Variants in FSHR observed in about 807,000 individuals in gnomAD.
The protein encoded by FSHR is follicle-stimulating hormone receptor.
In FSHR, 46 loss-of-function variants were observed where a neutral mutation model predicts 52.1. That is an observed-to-expected ratio of 0.88 (90% confidence interval 0.70 to 1.13). The LOEUF (loss-of-function observed/expected upper bound fraction) is 1.13. Ranked by LOEUF, FSHR falls within the 50% of genes most tolerant of loss-of-function variation. The pLI, the probability that FSHR is intolerant of heterozygous loss-of-function variation, is 0.00. For missense variants in FSHR, 964 were observed against 834.6 expected, an observed-to-expected ratio of 1.16 and a Z score of -1.91; for synonymous variants, 399 against 309.6, an observed-to-expected ratio of 1.29 and a Z score of -3.03.
chr2:49,140,780 A>G (rs1193483994), intron 1 of FSHR, among the ~76,000 whole-genome samples: 1 of 152,090 alleles, frequency 6.6e-6, no homozygotes, highest in Non-Finnish European at 1.5e-5. Flanking sequence ...TGAGGTCATG[A>G]TAGATCAATA....
intron 6 of FSHR, 140 bp from the exon 7 acceptor site, chr2:48,983,306 C>T (rs182216404): frequency 6.5e-5 from 48 of 737,818 alleles, no homozygotes; most frequent in African/African-American, 2.3e-4. Flanking sequence ...CTTGGGGACA[C>T]GGGTGGGAGG....
intron 6 of FSHR, among the ~76,000 whole-genome samples, chr2:48,984,359 T>G (rs1371982533): frequency 6.6e-6 from 1 of 152,190 alleles, no homozygotes; most frequent in Non-Finnish European, 1.5e-5. Flanking sequence ...GACTCCTGAC[T>G]GTTGCAGGAT....
chr2:48,962,996 T>TC lies in FSHR; in HGVS notation c.1824dup (p.Ile609AspfsTer40). The TC allele has an allele frequency of 6.2e-7, 1 of 1,614,102 alleles. No homozygotes were observed. The highest frequency in any genetic ancestry group is 8.5e-7 in the Non-Finnish European group (1 of 1,179,996). ...ATGGGGTGAAACAGAACCAGCAGAA[T>TC]CTTTGCTTTGGACACAGTGATGAGG... is the stretch of plus-strand genomic sequence containing the variant. On this transcript the variant is annotated frameshift_variant, in exon 10 of 10. Coordinates refer to ENST00000406846, the MANE Select transcript of FSHR (RefSeq NM_000145.4). LOFTEE classifies it high-confidence loss of function.
At chr2:48,973,564 C>T (rs1394062112) in intron 8 of FSHR, among the ~76,000 whole-genome samples, 1 of 152,234 alleles carries the variant, frequency 6.6e-6, no homozygotes, top group Non-Finnish European at 1.5e-5. Context: ...TCCTTGAAAA[C>T]CAGTAAGAGT....
At chr2:49,059,531 G>C (rs1013806105) in intron 2 of FSHR, 8 of 152,458 alleles carry the variant, frequency 5.2e-5, no homozygotes, top group African/African-American at 2.4e-5. Flanking sequence ...ACTGGAGAAA[G>C]GACGGTTTCA....
chr2:49,114,487 T>C lies in FSHR; in HGVS notation c.152+39779A>G, dbSNP rs79250949. On this transcript the variant is annotated intron_variant, in intron 1 of 9. Transcript: ENST00000406846. ...AGAATGAATGAGAAGGTTTTCACAT[T>C]AACTGGAAGTTCCATCTTCAGACTG... is the stretch of plus-strand genomic sequence containing the variant. 2.2e-3 allele frequency among the ~76,000 whole-genome samples: 329 copies of C among 152,302 alleles called. 1 individual carries two copies. Among genetic ancestry groups the C allele is most frequent in the African/African-American group, 7.5e-3 (313 of 41,576 alleles).
chr2:49,074,320 CA>C (rs1156873864), intron 1 of FSHR, among the ~76,000 whole-genome samples: 2 of 151,762 alleles, frequency 1.3e-5, no homozygotes, highest in African/African-American at 4.8e-5. Flanking sequence ...ATCTCAACAG[CA>C]AAAAAACAAC....
intron 1 of FSHR, 24 bp downstream of exon 1, chr2:49,154,242 G>A (rs1673165061): frequency 1.2e-6 from 2 of 1,611,616 alleles, no homozygotes; most frequent in Admixed American, 3.3e-5. Context: ...CCATGCAGTT[G>A]TTCCCCCTCC....
chr2:49,069,299 C>T (rs947270998), intron 1 of FSHR, among the ~76,000 whole-genome samples: 10 of 152,096 alleles, frequency 6.6e-5, no homozygotes, highest in East Asian at 1.9e-4. Flanking sequence ...TCCACATTTG[C>T]GGTTCTCTCT....
intron 1 of FSHR, among the ~76,000 whole-genome samples, chr2:49,141,832 T>G (rs1228530448): frequency 6.6e-6 from 1 of 152,240 alleles, no homozygotes; most frequent in Non-Finnish European, 1.5e-5. Context: ...TGTCTTTTTT[T>G]CCTTGTTCAT....
At chr2:49,018,181 T>A (rs925300895) in intron 3 of FSHR, among the ~76,000 whole-genome samples, 1 of 152,170 alleles carries the variant, frequency 6.6e-6, no homozygotes, top group Admixed American at 6.5e-5. Context: ...GGAATGGCCA[T>A]TGATTCCCTT....
intron 2 of FSHR, among the ~76,000 whole-genome samples, chr2:49,042,902 T>C (rs1668526604): frequency 6.6e-6 from 1 of 152,160 alleles, no homozygotes; most frequent in Non-Finnish European, 1.5e-5. Flanking sequence ...ACCCATAAAC[T>C]TACTGACCAG....
intron 4 of FSHR, among the ~76,000 whole-genome samples, chr2:48,996,316 T>A (rs1676021066): frequency 6.6e-6 from 1 of 152,076 alleles, no homozygotes; most frequent in Admixed American, 6.6e-5. Context: ...TACAGTTGAT[T>A]CTCATTATCC....
chr2:49,094,681 G>C (rs771290971), intron 1 of FSHR, among the ~76,000 whole-genome samples: 4 of 151,848 alleles, frequency 2.6e-5, no homozygotes, highest in Non-Finnish European at 5.9e-5. Flanking sequence ...AGTGCTTTGA[G>C]GAAAATGTAT....
chr2:49,117,675 G>A (rs2055571), intron 1 of FSHR, among the ~76,000 whole-genome samples: 72,168 of 152,040 alleles, frequency 0.47, 18,057 homozygotes, highest in East Asian at 0.7. Context: ...AATAAGTTAG[G>A]TTAAGTATAG....
intron 4 of FSHR, among the ~76,000 whole-genome samples, chr2:49,016,147 T>A (rs1018179436): frequency 2.0e-5 from 3 of 152,312 alleles, no homozygotes; most frequent in Middle Eastern, 3.4e-3. Flanking sequence ...GAATGAAAAT[T>A]TAGGCACAGA....
rs186125974 is a variant in FSHR, at chr2:49,125,180, C to T, written c.152+29086G>A. ...TCCTCCCTATTGCCTTTCTTTGTTT[C>T]GTTACTTTTTTAGTAGCATACATCA... On this transcript the variant is annotated intron_variant, in intron 1 of 9. Coordinates refer to ENST00000406846, the MANE Select transcript of FSHR (RefSeq NM_000145.4). Among the ~76,000 whole-genome samples the T allele has an allele frequency of 2.8e-3, 425 of 152,238 alleles. 11 individuals carry two copies. Among genetic ancestry groups the T allele is most frequent in the Admixed American group, 0.024 (374 of 15,286 alleles).
At chr2:49,139,798 C>G (rs1672613223) in intron 1 of FSHR, among the ~76,000 whole-genome samples, 1 of 152,056 alleles carries the variant, frequency 6.6e-6, no homozygotes, top group East Asian at 1.9e-4. Flanking sequence ...CAGGTTTCCA[C>G]CATGTTAGCC....
chr2:48,968,406 G>A (rs528713711), intron 9 of FSHR, among the ~76,000 whole-genome samples: 1 of 152,304 alleles, frequency 6.6e-6, no homozygotes, highest in East Asian at 1.9e-4. Flanking sequence ...CAGATATTAT[G>A]CACCAACTCT....
Sources: allele counts gnomAD v4.1 joint callset (sites outside exome capture counted in the v4.1 genomes callset), GRCh38; gene constraint gnomAD v4.1.1; transcripts MANE v1.5; gene names NCBI Gene and HGNC (gene_info 2026-07-23, HGNC 2026-07-21).